Variants in ADCY9 observed in about 807,000 individuals in gnomAD.
The protein encoded by ADCY9 is adenylate cyclase type 9.
In ADCY9, 50 loss-of-function variants were observed where a neutral mutation model predicts 101.5. That is an observed-to-expected ratio of 0.49 (90% CI 0.39 to 0.62). The LOEUF (loss-of-function observed/expected upper bound fraction) is 0.62. ADCY9 is among the 20% of genes least tolerant of loss of function. The probability of loss-of-function intolerance (pLI) is 0.00; values close to 1 mark genes in which losing one functional copy is unlikely to be tolerated. For synonymous variants in ADCY9, 905 were observed against 769.3 expected (o/e 1.18, Z -2.92); for missense variants, 1,662 against 1,800.4 (o/e 0.92, Z 1.39).
intron 2 of ADCY9, among the ~76,000 whole-genome samples, chr16:4,065,062 C>A (rs959885864): frequency 2.0e-5 from 3 of 152,082 alleles, no homozygotes; most frequent in Non-Finnish European, 4.4e-5. Context: ...CATCACCAGG[C>A]TTCAATTTAT....
chr16:3,966,065 T>C lies in ADCY9; in HGVS notation c.3772A>G (p.Ile1258Val), dbSNP rs1334815418. The change falls in exon 11 of 11, where the codon ATC becomes GTC. Residue 1258 changes from isoleucine (I) to valine (V), a missense_variant. Ile to Val is a conservative substitution (Grantham distance 29). This residue lies in a region of ADCY9 where 168 missense variants were observed against 155.3 expected (regional missense o/e 1.08). Coordinates refer to ENST00000294016, the MANE Select transcript of ADCY9 (RefSeq NM_001116.4). ...HRVIPQHQLSISPDIRVQVDG... is the reference protein window; with the variant it reads ...HRVIPQHQLSVSPDIRVQVDG... ...ACCTGGACGCGGATGTCTGGGGAGA[T>C]GGACAGCTGGTGCTGTGGGATGACC... 3 of 1,614,094 alleles carry C rather than the reference T, an allele frequency of 1.9e-6. No homozygotes were observed. The highest frequency in any genetic ancestry group is 1.7e-6 in the Non-Finnish European group (2 of 1,180,042).
At chr16:4,048,278 A>G (rs1470114365) in intron 2 of ADCY9, among the ~76,000 whole-genome samples, 3 of 152,240 alleles carry the variant, frequency 2.0e-5, no homozygotes, top group Non-Finnish European at 2.9e-5. Flanking sequence ...ATAACATTAA[A>G]ATGAAGTCTT....
At chr16:4,056,081 A>C (rs2056735877) in intron 2 of ADCY9, among the ~76,000 whole-genome samples, 1 of 152,218 alleles carries the variant, frequency 6.6e-6, no homozygotes, top group Non-Finnish European at 1.5e-5. Context: ...TGTGCGATAC[A>C]GAACCCGAAA....
intron 2 of ADCY9, among the ~76,000 whole-genome samples, chr16:4,083,944 T>C (rs1057281906): frequency 6.6e-6 from 1 of 152,306 alleles, no homozygotes; most frequent in South Asian, 2.1e-4. Flanking sequence ...TGTCAAAGTA[T>C]AGGAACTGTA....
intron 2 of ADCY9, among the ~76,000 whole-genome samples, chr16:4,075,491 C>A (rs1464408761): frequency 6.6e-6 from 1 of 152,124 alleles, no homozygotes. Flanking sequence ...ATTTTTTAAA[C>A]CCCAGAGGAA....
At chr16:3,977,413 C>T in intron 9 of ADCY9, 69 bp downstream of exon 9, 1 of 1,515,458 alleles carries the variant, frequency 6.6e-7, no homozygotes, top group Non-Finnish European at 8.9e-7. Flanking sequence ...CAAATGCAGC[C>T]AGGCCCTACG....
At chr16:3,995,643 G>T (rs2056281407) in intron 3 of ADCY9, among the ~76,000 whole-genome samples, 1 of 150,718 alleles carries the variant, frequency 6.6e-6, no homozygotes, top group African/African-American at 2.4e-5. Flanking sequence ...TTTCCTTGCA[G>T]CAAGAAGTGT....
intron 2 of ADCY9, among the ~76,000 whole-genome samples, chr16:4,057,459 G>A (rs1383500073): frequency 1.3e-5 from 2 of 152,196 alleles, no homozygotes; most frequent in Non-Finnish European, 2.9e-5. Context: ...CCCGGCTGCA[G>A]TGACACCATC....
At chr16:3,989,538 C>T (rs1034740645) in intron 5 of ADCY9, among the ~76,000 whole-genome samples, 3 of 152,134 alleles carry the variant, frequency 2.0e-5, no homozygotes, top group African/African-American at 7.2e-5. Flanking sequence ...GCCACCGCAC[C>T]CAGCTAATTT....
Position 3,966,303 on chromosome 16 carries a change from G to A in ADCY9, c.3534C>T (p.Gly1178=), listed in dbSNP as rs141188630. The change falls in exon 11 of 11, where the codon GGC becomes GGT. Residue 1178 remains glycine, a synonymous_variant. Transcript: ENST00000294016. ...NHGPLTAGVI[G]TTKLLYDIWG... ...AGATGTCGTACAGCAGCTTGGTGGT[G>A]CCGATGACCCCGGCCGTGAGGGGCC... The A allele has an allele frequency of 1.2e-6, 2 of 1,613,998 alleles. No individual in the cohort carries two copies. Among genetic ancestry groups the A allele is most frequent in the East Asian group, 2.2e-5 (1 of 44,886 alleles).
chr16:3,988,633 C>A lies in ADCY9; in HGVS notation c.2310+361G>T, dbSNP rs879584936. ...TCCTTTACCAGGGCAGGTGTGGGGG[C>A]CCCTTCCAAGGCAGGTGGGGGGGTT... On this transcript the variant is annotated intron_variant, in intron 6 of 10. Coordinates refer to ENST00000294016, the MANE Select transcript of ADCY9 (RefSeq NM_001116.4). 4.7e-5 allele frequency among the ~76,000 whole-genome samples: 5 copies of A among 106,274 alleles called. No homozygotes were observed. In the South Asian group the frequency reaches 9.5e-4, roughly 20 times the overall value. 69.7% of individuals were successfully genotyped at this position (106,274 alleles called of 152,430 possible). A position where few individuals can be genotyped will look rare whatever the true frequency, so the allele number is the denominator to read the frequency against.
At position 4,114,870 on chromosome 16, in the gene ADCY9, C is replaced by A; in HGVS notation, c.573G>T (p.Gln191His). Residue 191 changes from glutamine to histidine, a missense_variant, in exon 2 of 11, where the codon CAG (glutamine) becomes CAT (histidine). Physicochemically the swap from Gln to His is conservative, Grantham distance 24. Around this residue, in one of 5 missense-constraint regions of ADCY9, gnomAD observed 422 missense variants for 392.0 expected, o/e 1.08. Coordinates refer to ENST00000294016, the MANE Select transcript of ADCY9 (RefSeq NM_001116.4). This position sits in a 1 kb window ranked among gnomAD's most constrained non-coding sequence, Gnocchi z 4.3. ...LLVFALTLAAQFQVLTPVSGR... is the reference protein window; with the variant it reads ...LLVFALTLAAHFQVLTPVSGR... ...CTGAGACAGGCGTCAAGACCTGGAA[C>A]TGCGCAGCCAGGGTCAGGGCGAACA... 2.5e-6 allele frequency: 4 copies of A among 1,613,744 alleles called. No homozygotes were observed. The highest frequency in any genetic ancestry group is 3.4e-6 in the Non-Finnish European group (4 of 1,180,050).
chr16:4,012,184 G>A (rs902569803), intron 2 of ADCY9, among the ~76,000 whole-genome samples: 10 of 152,120 alleles, frequency 6.6e-5, no homozygotes, highest in African/African-American at 1.9e-4. Context: ...TGTCCACAAC[G>A]AGCAAAATCG....
intron 10 of ADCY9, among the ~76,000 whole-genome samples, chr16:3,968,891 G>C (rs2056022656): frequency 6.6e-6 from 1 of 151,934 alleles, no homozygotes; most frequent in African/African-American, 2.4e-5. Flanking sequence ...TGTTGCCCAG[G>C]TTAAAGTGCA....
Position 3,992,222 on chromosome 16 carries a change from C to G in ADCY9, c.2131G>C (p.Ala711Pro). ...TTCTTGAACCTCAGCGGAAGGAGAG[C>G]CGACTGGTCCAGGCTCACCCCTGCC... Reference protein sequence around the residue: ...RWAGVSLDQSALLPLRFKNIR... With the variant: ...RWAGVSLDQSPLLPLRFKNIR... Residue 711 changes from alanine (A) to proline (P), a missense_variant, in exon 5 of 11, where the codon GCT becomes CCT. Around this residue, in one of 5 missense-constraint regions of ADCY9, gnomAD observed 624 missense variants for 639.1 expected, o/e 0.98. Coordinates refer to ENST00000294016, the MANE Select transcript of ADCY9 (RefSeq NM_001116.4). The surrounding 1 kb of genome is among the most constrained non-coding windows in gnomAD (Gnocchi z 4.2). 6.2e-7 allele frequency: 1 copy of G among 1,614,182 alleles called. No homozygotes were observed. The highest frequency in any genetic ancestry group is 8.5e-7 in the Non-Finnish European group (1 of 1,180,024).
At position 3,983,444 on chromosome 16, in the gene ADCY9, TGTGGAGCAGGA is replaced by T; in HGVS notation, c.2311-15_2311-5del. On this transcript the variant is annotated splice_region_variant and splice_polypyrimidine_tract_variant and intron_variant, in intron 6 of 10. Coordinates refer to ENST00000294016, the MANE Select transcript of ADCY9 (RefSeq NM_001116.4). Reference sequence around the variant, plus strand: ...TCACGGGGGAGTTCTTTATGACCTGTGTGGAGCAGGAGTGGAGCAGAATGACTGGGAGGCCA... The same window carrying T: ...TCACGGGGGAGTTCTTTATGACCTGTGTGGAGCAGAATGACTGGGAGGCCA... 6.3e-7 allele frequency: 1 copy of T among 1,595,956 alleles called. No individual in the cohort carries two copies. The highest frequency in any genetic ancestry group is 1.3e-5 in the African/African-American group (1 of 74,650).
chr16:4,113,757 C>G lies in ADCY9; in HGVS notation c.1686G>C (p.Gln562His). Reference sequence around the variant, plus strand: ...GTAAAGCAGTGCACATACCTTTCAACTGGTCAGCAACCACGCTCTGGCCCA... The same window carrying G: ...GTAAAGCAGTGCACATACCTTTCAAGTGGTCAGCAACCACGCTCTGGCCCA... ...ERLGQSVVAD[Q>H]LKGLKTYLIS... The change falls in exon 2 of 11, where the codon CAG becomes CAC. Residue 562 changes from glutamine to histidine, a missense_variant. This residue lies in a region of ADCY9 where 624 missense variants were observed against 639.1 expected (regional missense o/e 0.98). Transcript: ENST00000294016. The G allele has an allele frequency of 6.2e-7, 1 of 1,611,808 alleles. No individual in the cohort carries two copies. Among genetic ancestry groups the G allele is most frequent in the Non-Finnish European group, 8.5e-7 (1 of 1,178,334 alleles).
chr16:3,958,266 G>A (rs573838018), downstream of ADCY9, among the ~76,000 whole-genome samples: 3 of 152,228 alleles, frequency 2.0e-5, no homozygotes, highest in South Asian at 6.2e-4. Flanking sequence ...GATGGGCCGG[G>A]CACGGTAGCT....
chr16:4,092,222 A>T (rs1486377991), intron 2 of ADCY9, among the ~76,000 whole-genome samples: 1 of 152,230 alleles, frequency 6.6e-6, no homozygotes, highest in African/African-American at 2.4e-5. Context: ...GTGAGCTGAG[A>T]TCGTGCCACT....
Sources: allele counts gnomAD v4.1 joint callset (sites outside exome capture counted in the v4.1 genomes callset), GRCh38; gene constraint gnomAD v4.1.1; regional missense constraint gnomAD v4.1.1; non-coding constraint Gnocchi (gnomAD v3.1); transcripts MANE v1.5; gene names NCBI Gene and HGNC (gene_info 2026-07-23, HGNC 2026-07-21).